Variants in MPP7 observed in about 807,000 individuals in gnomAD.
MPP7 encodes MAGUK p55 scaffold protein 7.
Under a neutral mutation model 76.5 loss-of-function variants are expected in MPP7, and 60 were observed. That is an observed-to-expected ratio of 0.78 (90% CI 0.64 to 0.97). MPP7 has a LOEUF of 0.97. Ranked by LOEUF, MPP7 falls within the 50% of genes least tolerant of loss-of-function variation. The pLI is 0.00. For missense variants in MPP7, 641 were observed against 694.0 expected (o/e 0.92, Z 0.86); for synonymous variants, 237 against 244.5 (o/e 0.97, Z 0.29).
In MPP7 at chr10:28,081,236, T is replaced by C. The variant is rs1037814982; in HGVS notation, c.1123+8435A>G. Among the ~76,000 whole-genome samples the C allele has an allele frequency of 2.6e-5, 4 of 152,362 alleles. No individual in the cohort carries two copies. In the East Asian group the frequency reaches 7.7e-4, roughly 29 times the overall value. ...ACAAGATGAATTTTTGCTCTTGTTTTGGCTTAAACGTGAAAAGTGTTTTAG... is the reference window on the plus strand; with the variant it reads ...ACAAGATGAATTTTTGCTCTTGTTTCGGCTTAAACGTGAAAAGTGTTTTAG... On this transcript the variant is annotated intron_variant, in intron 12 of 16. Coordinates refer to ENST00000683449, the MANE Select transcript of MPP7 (RefSeq NM_001318170.2).
At chr10:28,133,717 C>G (rs1437226062) in intron 5 of MPP7, among the ~76,000 whole-genome samples, 1 of 152,090 alleles carries the variant, frequency 6.6e-6, no homozygotes, top group Non-Finnish European at 1.5e-5. Flanking sequence ...ATTAACCAAA[C>G]TCCAGTGGCC....
chr10:28,089,519 A>G, intron 12 of MPP7, 152 bp downstream of exon 12: 1 of 708,092 alleles, frequency 1.4e-6, no homozygotes, highest in Non-Finnish European at 2.3e-6. Flanking sequence ...ATTACGTACA[A>G]AAAACTAAAG....
At position 28,124,055 on chromosome 10, in the gene MPP7, C is replaced by T. The variant is rs777843787; in HGVS notation, c.591G>A (p.Arg197=). The T allele has an allele frequency of 1.9e-6, 3 of 1,610,712 alleles. No individual in the cohort carries two copies. Among genetic ancestry groups the T allele is most frequent in the Non-Finnish European group, 1.7e-6 (2 of 1,177,234 alleles). ...CCAAAATCTGTATTATTTCCTCAGGCCTTTTATCCTCCACTGGTATCCCGT... is the reference window on the plus strand; with the variant it reads ...CCAAAATCTGTATTATTTCCTCAGGTCTTTTATCCTCCACTGGTATCCCGT... The part of the protein sequence containing the change: ...EVNGIPVEDK[R]PEEIIQILAQ... The change falls in exon 8 of 17, where the codon AGG becomes AGA. Residue 197 remains arginine (R), a synonymous_variant. Coordinates refer to ENST00000683449, the MANE Select transcript of MPP7 (RefSeq NM_001318170.2).
chr10:28,205,647 C>G (rs1442570056), intron 2 of MPP7, among the ~76,000 whole-genome samples: 2 of 152,096 alleles, frequency 1.3e-5, no homozygotes, highest in African/African-American at 2.4e-5. Flanking sequence ...GGCAGTGCAG[C>G]AGACAAGCAC....
chr10:28,326,552 G>A (rs1349909956), intron 2 of MPP7, among the ~76,000 whole-genome samples: 1 of 152,220 alleles, frequency 6.6e-6, no homozygotes, highest in East Asian at 1.9e-4. Context: ...CAGATCATTA[G>A]AAGGGCTTTC....
intron 14 of MPP7, 31 bp from the exon 15 acceptor site, chr10:28,058,634 T>C (rs1424873821): frequency 1.5e-5 from 18 of 1,229,822 alleles, no homozygotes; most frequent in Non-Finnish European, 1.8e-5. Flanking sequence ...TGGAATCATT[T>C]GTGAATTTAA....
chr10:28,203,497 A>T (rs1307284017), intron 2 of MPP7, among the ~76,000 whole-genome samples: 1 of 36,350 alleles, frequency 2.8e-5, no homozygotes. Flanking sequence ...AACAGTCTTT[A>T]AAAAAAAAAA....
At chr10:28,255,349 A>G (rs1276787177) in intron 1 of MPP7, among the ~76,000 whole-genome samples, 1 of 151,776 alleles carries the variant, frequency 6.6e-6, no homozygotes, top group Admixed American at 6.6e-5. Context: ...CCTGACCTCA[A>G]ATGATCCACC....
chr10:28,055,739 A>G (rs997901171), intron 16 of MPP7, among the ~76,000 whole-genome samples: 1 of 152,156 alleles, frequency 6.6e-6, no homozygotes, highest in Admixed American at 6.5e-5. Context: ...TTTCATTTGG[A>G]CTCTTAATGA....
chr10:28,334,599 G>A (rs1038378841), upstream of MPP7: 13 of 152,178 alleles, frequency 8.5e-5, no homozygotes, highest in Admixed American at 7.9e-4. Context: ...TGCCCTAGTA[G>A]AGATACAAAT....
intron 1 of MPP7, among the ~76,000 whole-genome samples, chr10:28,242,928 CTT>C (rs1356154413): frequency 5.9e-5 from 9 of 152,230 alleles, no homozygotes; most frequent in South Asian, 2.1e-4. Context: ...TTAATTGACT[CTT>C]GAGTACCCTT....
At position 28,147,509 on chromosome 10, in the gene MPP7, T is replaced by C. The variant is rs757009629; in HGVS notation, c.289A>G (p.Lys97Glu). 3.7e-6 allele frequency: 6 copies of C among 1,614,088 alleles called. No individual in the cohort carries two copies. The highest frequency in any genetic ancestry group is 4.2e-6 in the Non-Finnish European group (5 of 1,179,940). ...TTCACATTGGGTTTTGACAGTAGTT[T>C]CAACAGCTCTCTGATCTCACTGTTT... ...PLNSEIRELL[K>E]LLSKPNVKAL... Residue 97 changes from lysine (K) to glutamate (E), a missense_variant, in exon 5 of 17, where the codon AAA becomes GAA. Lys to Glu is a moderately conservative substitution (Grantham distance 56). Coordinates refer to ENST00000683449, the MANE Select transcript of MPP7 (RefSeq NM_001318170.2).
At chr10:28,073,337 A>G (rs991529596) in intron 12 of MPP7, among the ~76,000 whole-genome samples, 1 of 152,150 alleles carries the variant, frequency 6.6e-6, no homozygotes, top group African/African-American at 2.4e-5. Context: ...TATCTGCCTT[A>G]CATCTGCTGT....
At chr10:28,074,215 G>A (rs1169238248) in intron 12 of MPP7, among the ~76,000 whole-genome samples, 1 of 151,916 alleles carries the variant, frequency 6.6e-6, no homozygotes, top group Non-Finnish European at 1.5e-5. Context: ...AAAACATAGA[G>A]GCCAACACAT....
In MPP7 at chr10:28,332,243, A is replaced by ATGTGTGTG. The variant is rs775712498; in HGVS notation, c.-206+2174_-206+2175insCACACACA. On this transcript the variant is annotated intron_variant, in intron 1 of 11. Coordinates refer to the MPP7 transcript ENST00000441595. ...CGTACATTGCCAGTTTGTCAAATGT[A>ATGTGTGTG]TGCGTGTGTGTGTGTGTGTGTGTGT... 6.2e-3 allele frequency among the ~76,000 whole-genome samples: 629 copies of ATGTGTGTG among 102,038 alleles called. 3 individuals carry two copies. Among genetic ancestry groups the ATGTGTGTG allele is most frequent in the Middle Eastern group, 9.5e-3 (2 of 210 alleles). 66.9% of individuals were successfully genotyped at this position (102,038 alleles called of 152,430 possible).
chr10:28,313,131 T>C (rs1315157410), intron 2 of MPP7, among the ~76,000 whole-genome samples: 1 of 152,224 alleles, frequency 6.6e-6, no homozygotes, highest in Non-Finnish European at 1.5e-5. Flanking sequence ...AAAAATTCCC[T>C]GTCCCTGGTA....
intron 2 of MPP7, among the ~76,000 whole-genome samples, chr10:28,311,239 T>C (rs1379381753): frequency 1.3e-5 from 2 of 152,206 alleles, no homozygotes; most frequent in Non-Finnish European, 2.9e-5. Context: ...ATTTTCCATG[T>C]GGTTTGCAAT....
At chr10:28,328,163 T>C (rs981971996) in intron 2 of MPP7, among the ~76,000 whole-genome samples, 2 of 152,204 alleles carry the variant, frequency 1.3e-5, no homozygotes, top group African/African-American at 4.8e-5. Context: ...GATTTAATTC[T>C]GATTTTTTTA....
intron 11 of MPP7, among the ~76,000 whole-genome samples, chr10:28,109,648 CG>C (rs1209807564): frequency 2.0e-5 from 3 of 151,638 alleles, no homozygotes; most frequent in African/African-American, 7.3e-5. Context: ...AGTGCAAATG[CG>C]CTCATTTCAG....
Sources: gnomAD v4.1 joint callset for allele counts (sites outside exome capture counted in the v4.1 genomes callset) on GRCh38, gnomAD v4.1.1 for gene constraint, MANE v1.5 for transcripts, NCBI Gene and HGNC (gene_info 2026-07-23, HGNC 2026-07-21) for gene names.